Variants in CNTN5 observed in about 807,000 individuals in gnomAD.
CNTN5 encodes the protein contactin-5.
In CNTN5, 77 loss-of-function variants were observed where a neutral mutation model predicts 129.1. That is an observed-to-expected ratio of 0.60 (90% CI 0.50 to 0.72). CNTN5 has a LOEUF of 0.72. Ranked by LOEUF, CNTN5 falls within the 30% of genes least tolerant of loss-of-function variation. The probability of loss-of-function intolerance (pLI) is 0.00; values close to 1 mark genes in which losing one functional copy is unlikely to be tolerated. For missense variants in CNTN5, 1,478 were observed against 1,328.8 expected (o/e 1.11, Z -1.75); for synonymous variants, 509 against 465.6 (o/e 1.09, Z -1.20).
chr11:99,851,979 ATGCAAAGCT>A (rs936262698), intron 6 of CNTN5, among the ~76,000 whole-genome samples: 4 of 152,212 alleles, frequency 2.6e-5, no homozygotes, highest in South Asian at 2.1e-4. Flanking sequence ...TCCACAGTAT[ATGCAAAGCT>A]TTATTTCATT....
At chr11:99,216,743 CA>C (rs1181058532) in intron 1 of CNTN5, among the ~76,000 whole-genome samples, 1 of 151,770 alleles carries the variant, frequency 6.6e-6, no homozygotes, top group Admixed American at 6.6e-5. Context: ...AATAAGACTT[CA>C]AAAAACACAA....
At chr11:100,243,249 G>A (rs1333589808) in intron 16 of CNTN5, among the ~76,000 whole-genome samples, 1 of 152,216 alleles carries the variant, frequency 6.6e-6, no homozygotes, top group African/African-American at 2.4e-5. Context: ...TGGCTACAGG[G>A]AGTGTATAGC....
chr11:99,682,127 A>G (rs914797686), intron 3 of CNTN5, among the ~76,000 whole-genome samples: 1 of 152,102 alleles, frequency 6.6e-6, no homozygotes, highest in Non-Finnish European at 1.5e-5. Context: ...CTATCATATA[A>G]TGAGTTTCAT....
intron 15 of CNTN5, among the ~76,000 whole-genome samples, chr11:100,208,443 A>G (rs1335508491): frequency 2.0e-5 from 3 of 152,194 alleles, no homozygotes; most frequent in Admixed American, 2.0e-4. Context: ...AGGCTAGCCC[A>G]GGCTTGTTCA....
At chr11:99,445,333 A>T (rs1013533040) in intron 2 of CNTN5, among the ~76,000 whole-genome samples, 1 of 152,030 alleles carries the variant, frequency 6.6e-6, no homozygotes, top group African/African-American at 2.4e-5. Flanking sequence ...TTTATAATAA[A>T]TACTACTTTT....
chr11:99,532,576 C>T lies in CNTN5; in HGVS notation c.-70-23569C>T, dbSNP rs547212030. On this transcript the variant is annotated intron_variant, in intron 2 of 24. Transcript: ENST00000524871. ...GAATTGTATCTCCCCAGAATACTCA[C>T]ATGTTGTGGGAGGGACCCAGGAGGA... Among the ~76,000 whole-genome samples, 145 of 152,250 alleles carry T rather than the reference C, an allele frequency of 9.5e-4. 1 individual carries two copies. The highest frequency in any genetic ancestry group is 3.3e-3 in the African/African-American group (137 of 41,546).
intron 9 of CNTN5, among the ~76,000 whole-genome samples, chr11:100,037,515 A>G (rs978300456): frequency 4.0e-5 from 6 of 151,722 alleles, no homozygotes; most frequent in African/African-American, 1.2e-4. Context: ...CTCTTTTTCT[A>G]TTGATTGGAA....
At chr11:99,627,699 T>G (rs1951180718) in intron 3 of CNTN5, among the ~76,000 whole-genome samples, 2 of 151,906 alleles carry the variant, frequency 1.3e-5, no homozygotes, top group African/African-American at 4.8e-5. Flanking sequence ...CCTAAAAATG[T>G]AGTTGGAGGC....
intron 3 of CNTN5, among the ~76,000 whole-genome samples, chr11:99,623,453 A>C (rs1951020743): frequency 6.6e-6 from 1 of 152,136 alleles, no homozygotes; most frequent in Non-Finnish European, 1.5e-5. Flanking sequence ...TGCCAAGCTT[A>C]CATTCTTAGG....
intron 8 of CNTN5, among the ~76,000 whole-genome samples, chr11:99,976,235 G>T (rs1383482439): frequency 6.6e-6 from 1 of 152,196 alleles, no homozygotes; most frequent in Non-Finnish European, 1.5e-5. Flanking sequence ...GTCTCTGCAG[G>T]ATACAGCCCT....
At chr11:100,235,725 AC>A (rs1949599486) in intron 16 of CNTN5, among the ~76,000 whole-genome samples, 1 of 152,114 alleles carries the variant, frequency 6.6e-6, no homozygotes, top group African/African-American at 2.4e-5. Context: ...GGCTTCAGAG[AC>A]CAAGGCTCTG....
chr11:99,275,970 C>T (rs1204990900), intron 1 of CNTN5, among the ~76,000 whole-genome samples: 1 of 151,504 alleles, frequency 6.6e-6, no homozygotes, highest in African/African-American at 2.4e-5. Context: ...AAAAATCTAC[C>T]ACAGGCAGAT....
chr11:99,725,760 A>G (rs1432662860), intron 3 of CNTN5, among the ~76,000 whole-genome samples: 6 of 152,068 alleles, frequency 3.9e-5, no homozygotes. Context: ...CTTTCAGGTC[A>G]TTAGTTGTGC....
chr11:99,913,593 G>T (rs770363628), intron 6 of CNTN5, among the ~76,000 whole-genome samples: 1 of 151,990 alleles, frequency 6.6e-6, no homozygotes, highest in Non-Finnish European at 1.5e-5. Flanking sequence ...ACAAAATAAA[G>T]CAATTGGAGT....
At chr11:99,135,213 G>A (rs1382017048) in intron 1 of CNTN5, among the ~76,000 whole-genome samples, 2 of 152,152 alleles carry the variant, frequency 1.3e-5, no homozygotes, top group African/African-American at 2.4e-5. Context: ...ATATGAGGAA[G>A]TAAGCAAGTA....
Position 99,092,098 on chromosome 11 carries a change from GT to G in CNTN5, c.-210+70834del, listed in dbSNP as rs1307699934. Among the ~76,000 whole-genome samples, 6 of 152,186 alleles carry G rather than the reference GT, an allele frequency of 3.9e-5. No individual in the cohort carries two copies. The South Asian group carries it at 8.3e-4, about 21-fold the overall frequency. ...AATACATGAGAAAGAAAGAAAATGT[GT>G]TTTTTGTTGTTTAGTTTATTGTTTT... On this transcript the variant is annotated intron_variant, in intron 1 of 24. Coordinates refer to ENST00000524871, the MANE Select transcript of CNTN5 (RefSeq NM_014361.4).
intron 2 of CNTN5, among the ~76,000 whole-genome samples, chr11:99,492,240 C>G (rs1591156630): frequency 6.6e-6 from 1 of 152,122 alleles, no homozygotes; most frequent in Non-Finnish European, 1.5e-5. Flanking sequence ...TTAAAAGTCT[C>G]CTCTGTAAGT....
At chr11:99,957,094 C>T (rs1950823973) in intron 8 of CNTN5, 85 bp downstream of exon 8, 2 of 1,140,680 alleles carry the variant, frequency 1.8e-6, no homozygotes, top group Admixed American at 2.8e-5. Flanking sequence ...TTTTTAAGAC[C>T]TGGAACTTAC....
chr11:99,192,714 A>G (rs1320672650), intron 1 of CNTN5, among the ~76,000 whole-genome samples: 1 of 152,110 alleles, frequency 6.6e-6, no homozygotes, highest in East Asian at 1.9e-4. Context: ...ATGCTTATTT[A>G]AATCTACTGT....
Sources: gnomAD v4.1 joint callset for allele counts (sites outside exome capture counted in the v4.1 genomes callset) on GRCh38, gnomAD v4.1.1 for gene constraint, MANE v1.5 for transcripts, NCBI Gene and HGNC (gene_info 2026-07-23, HGNC 2026-07-21) for gene names.